SSR1: variants seen among roughly 807,000 people sequenced by gnomAD.
SSR1 encodes the protein translocon-associated protein subunit alpha.
Under a neutral mutation model 36.1 loss-of-function variants are expected in SSR1, and 13 were observed. The observed-to-expected ratio is 0.36, with a 90% CI of 0.23 to 0.57. The LOEUF is 0.57. Among genes scored for constraint, SSR1 ranks in the 20% least tolerant of loss-of-function variants. The probability of loss-of-function intolerance (pLI) is 0.81; values close to 1 mark genes in which losing one functional copy is unlikely to be tolerated. For synonymous variants in SSR1, 113 were observed against 118.9 expected, an observed-to-expected ratio of 0.95 and a Z score of 0.32; for missense variants, 291 against 338.5, an observed-to-expected ratio of 0.86 and a Z score of 1.10.
intron 7 of SSR1, among the ~76,000 whole-genome samples, chr6:7,293,309 A>G (rs1983851): frequency 0.097 from 14,698 of 151,946 alleles, 1,014 homozygotes; most frequent in East Asian, 0.33. Flanking sequence ...AGCTGTGTAT[A>G]CGATAACCCA....
Position 7,301,967 on chromosome 6 carries a change from A to C in SSR1, c.281-395T>G, listed in dbSNP as rs911598875. ...TAAATAGAAGAATGAAGAAAAGATA[A>C]AGTCCAAGAGTTTCATCTGAAAACT... On this transcript the variant is annotated intron_variant, in intron 3 of 7. Transcript: ENST00000244763. Among the ~76,000 whole-genome samples the C allele has an allele frequency of 1.4e-4, 21 of 152,194 alleles. No homozygotes were observed. In the East Asian group the frequency reaches 3.8e-3, roughly 28 times the overall value.
chr6:7,301,716 A>C (rs1219122314), intron 3 of SSR1, 144 bp from the exon 4 acceptor site: 2 of 838,638 alleles, frequency 2.4e-6, no homozygotes, highest in Non-Finnish European at 3.6e-6. Context: ...CCAGTCACCT[A>C]CTAACGAGAA....
rs554331493 is a variant in SSR1 at position 7,292,664 on chromosome 6, G to GTGCACT, written c.793+2727_793+2728insAGTGCA. On this transcript the variant is annotated intron_variant, in intron 7 of 7. Coordinates refer to ENST00000244763, the MANE Select transcript of SSR1 (RefSeq NM_003144.5). ...ACATTTCCAGTAGCTGAGACTACAT[G>GTGCACT]TGCACACCACCATGCCCAGCTTACC... 2.2e-3 allele frequency among the ~76,000 whole-genome samples: 338 copies of GTGCACT among 152,190 alleles called. 3 individuals carry two copies. The highest frequency in any genetic ancestry group is 1.1e-3 in the Non-Finnish European group (77 of 68,008).
chr6:7,294,849 T>C (rs1238705984), intron 7 of SSR1, among the ~76,000 whole-genome samples: 1 of 152,210 alleles, frequency 6.6e-6, no homozygotes, highest in Non-Finnish European at 1.5e-5. Context: ...ATTTCTATAT[T>C]CTTTTATAAA....
At position 7,313,126 on chromosome 6, in the gene SSR1, T is replaced by A. The variant is rs762345664; in HGVS notation, c.-6A>T. ...AAGCGGGGGAGGAGTCTCATGGCGCTGCCGGTCCAGTGTCCAGTTTCCGTC... is the reference window on the plus strand; with the variant it reads ...AAGCGGGGGAGGAGTCTCATGGCGCAGCCGGTCCAGTGTCCAGTTTCCGTC... On this transcript the variant is annotated 5_prime_UTR_variant, in exon 1 of 8. Coordinates refer to ENST00000244763, the MANE Select transcript of SSR1 (RefSeq NM_003144.5). The A allele has an allele frequency of 3.7e-6, 6 of 1,601,190 alleles. No homozygotes were observed. Among genetic ancestry groups the A allele is most frequent in the Non-Finnish European group, 5.1e-6 (6 of 1,173,730 alleles).
intron 1 of SSR1, among the ~76,000 whole-genome samples, 199 bp downstream of exon 1, chr6:7,312,843 G>A (rs920830662): frequency 6.6e-6 from 1 of 152,230 alleles, no homozygotes; most frequent in Non-Finnish European, 1.5e-5. Context: ...CCGCGTGCAA[G>A]GGGCAGGCCG....
chr6:7,306,087 C>A (rs1003920738), intron 2 of SSR1, among the ~76,000 whole-genome samples: 2 of 152,156 alleles, frequency 1.3e-5, no homozygotes, highest in Non-Finnish European at 2.9e-5. Context: ...ATATTCTGTA[C>A]CTTGTAAGTT....
Position 7,281,312 on chromosome 6 carries a change from G to C in SSR1, c.*8552C>G, listed in dbSNP as rs1261976961. 6.6e-6 allele frequency: 1 copy of C among 150,940 alleles called. No individual in the cohort carries two copies. Among genetic ancestry groups the C allele is most frequent in the Non-Finnish European group, 1.5e-5 (1 of 67,716 alleles). The allele number at this position is 150,940 out of a possible 1,614,324, so 9.4% of individuals were successfully genotyped here. A position where few individuals can be genotyped will look rare whatever the true frequency, so the allele number is the denominator to read the frequency against. ...CTTACAAACTGATACCCAAATAACA[G>C]AAATGTTTCTCAAAGCTGCACAAGA... On this transcript the variant is annotated 3_prime_UTR_variant, in exon 8 of 8. Transcript: ENST00000244763.
Position 7,289,894 on chromosome 6 carries a change from T to C in SSR1, c.831A>G (p.Ala277=), listed in dbSNP as rs138203075. The C allele has an allele frequency of 1.9e-6, 3 of 1,545,554 alleles. No homozygotes were observed. The highest frequency in any genetic ancestry group is 1.7e-6 in the Non-Finnish European group (2 of 1,156,670). Residue 277 remains alanine (A), a synonymous_variant, in exon 8 of 8, where the codon GCA becomes GCG. Coordinates refer to ENST00000244763, the MANE Select transcript of SSR1 (RefSeq NM_003144.5). ...ASPRRLPRKR[A]QKRSVGSDE is the part of the protein sequence containing the mutation. The stretch of plus-strand genomic sequence containing the variant: ...CATCAGATCCCACTGATCTCTTCTG[T>C]GCCCGTTTCCTGGGCAACCTTCTTG...
In SSR1 at chr6:7,301,293, G is replaced by C. The variant is rs376042339; in HGVS notation, c.543+17C>G. On this transcript the variant is annotated intron_variant, in intron 4 of 7. Transcript: ENST00000244763. ...CCATCTCTAACTTAAACAAAAAGAA[G>C]GTTTAGAGGATCTTACGTTCAAATC... 2.5e-6 allele frequency: 4 copies of C among 1,610,198 alleles called. No homozygotes were observed. In the African/African-American group the frequency reaches 4.0e-5, roughly 16 times the overall value.
At chr6:7,303,425 C>T in intron 3 of SSR1, 125 bp downstream of exon 3, 1 of 557,312 alleles carries the variant, frequency 1.8e-6, no homozygotes, top group South Asian at 3.2e-5. Context: ...GTGTCTATAT[C>T]ACCTACGTAT....
chr6:7,304,712 A>G (rs929462329), intron 2 of SSR1, among the ~76,000 whole-genome samples: 1 of 152,204 alleles, frequency 6.6e-6, no homozygotes, highest in Non-Finnish European at 1.5e-5. Context: ...GTGCAGCATC[A>G]TTTCTCCAGG....
chr6:7,299,996 C>A (rs1757898266), intron 4 of SSR1, among the ~76,000 whole-genome samples: 1 of 151,928 alleles, frequency 6.6e-6, no homozygotes, highest in African/African-American at 2.4e-5. Flanking sequence ...AAAAGTGGTA[C>A]AGGTGAATTT....
At chr6:7,293,770 G>C (rs1030197667) in intron 7 of SSR1, among the ~76,000 whole-genome samples, 1 of 152,048 alleles carries the variant, frequency 6.6e-6, no homozygotes, top group Non-Finnish European at 1.5e-5. Flanking sequence ...CCAATATACC[G>C]AGGGTCAATT....
chr6:7,309,979 CTTCT>C lies in SSR1; in HGVS notation c.126_129del (p.Glu43IlefsTer3). On this transcript the variant is annotated frameshift_variant, in exon 2 of 8. Transcript: ENST00000244763. LOFTEE classifies it high-confidence loss of function. ...TCATCTTCATCCTCAATTATGGAAT[CTTCT>C]ACTGTTTCTTCATCCTCTGTAAGAT... The C allele has an allele frequency of 6.2e-7, 1 of 1,614,018 alleles. No individual in the cohort carries two copies. Among genetic ancestry groups the C allele is most frequent in the Non-Finnish European group, 8.5e-7 (1 of 1,180,002 alleles).
chr6:7,304,721 G>A (rs1034360279), intron 2 of SSR1, among the ~76,000 whole-genome samples: 1 of 152,072 alleles, frequency 6.6e-6, no homozygotes, highest in Non-Finnish European at 1.5e-5. Flanking sequence ...CATTTCTCCA[G>A]GCATCAATAT....
intron 5 of SSR1, 150 bp from the exon 6 acceptor site, chr6:7,298,151 T>C (rs2714310): frequency 0.73 from 367,185 of 503,028 alleles, 135,849 homozygotes; most frequent in African/African-American, 0.82. Flanking sequence ...TAAATCCAGG[T>C]AGTTAAGTTT....
intron 7 of SSR1, among the ~76,000 whole-genome samples, chr6:7,292,355 A>C (rs201187965): frequency 1.7e-5 from 1 of 60,406 alleles, no homozygotes; most frequent in African/African-American, 5.0e-5. Flanking sequence ...TTCCTCCCTC[A>C]CTAACACATC....
Position 7,288,236 on chromosome 6 carries a change from C to T in SSR1, c.*1628G>A, listed in dbSNP as rs1267545243. 6.6e-6 allele frequency: 1 copy of T among 152,166 alleles called. No individual in the cohort carries two copies. The allele number at this position is 152,166 out of a possible 1,614,324, so 9.4% of individuals were successfully genotyped here. A position where few individuals can be genotyped will look rare whatever the true frequency, so the allele number is the denominator to read the frequency against. On this transcript the variant is annotated 3_prime_UTR_variant, in exon 8 of 8. Transcript: ENST00000244763. ...GGAATGTGAAGGGTCTCCTATATTA[C>T]ATTAAACAAAAAACCATGCAGTTAC...
Sources: gnomAD v4.1 joint callset for allele counts (sites outside exome capture counted in the v4.1 genomes callset) on GRCh38, gnomAD v4.1.1 for gene constraint, MANE v1.5 for transcripts, NCBI Gene and HGNC (gene_info 2026-07-23, HGNC 2026-07-21) for gene names.